TRIM5: variants seen among roughly 807,000 people sequenced by gnomAD.
TRIM5 encodes the protein tripartite motif containing 5, also known as tripartite motif-containing protein 5.
A neutral mutation model predicts 35.6 loss-of-function variants in TRIM5; 31 were observed. The ratio of observed to expected loss-of-function variants is 0.87; its 90% confidence interval spans 0.65 to 1.18. The LOEUF (loss-of-function observed/expected upper bound fraction) is 1.18, where lower values mean the gene tolerates loss of function less well. TRIM5 is among the 50% of genes most tolerant of loss of function. The pLI, the probability that TRIM5 is intolerant of heterozygous loss-of-function variation, is 0.00. For synonymous variants in TRIM5, 243 were observed against 215.6 expected (o/e 1.13, Z -1.11); for missense variants, 609 against 591.6 (o/e 1.03, Z -0.31).
At chr11:5,683,124 C>T (rs11038707) in intron 1 of TRIM5, among the ~76,000 whole-genome samples, 1 of 152,232 alleles carries the variant, frequency 6.6e-6, no homozygotes, top group Non-Finnish European at 1.5e-5. Context: ...CTCGCCGGGC[C>T]TTAGCTGCCT....
intron 2 of TRIM5, 46 bp downstream of exon 2, chr11:5,679,715 C>A (rs764974885): frequency 4.0e-6 from 6 of 1,512,642 alleles, no homozygotes; most frequent in Non-Finnish European, 5.3e-6. Context: ...AATTTTCCAT[C>A]TGGTCCCATT....
rs766006834 is a variant in TRIM5, at chr11:5,665,247, G to A, written c.1044C>T (p.Ile348=). 10 of 1,614,172 alleles carry A rather than the reference G, an allele frequency of 6.2e-6. No individual in the cohort carries two copies. In the South Asian group the frequency reaches 1.1e-4, roughly 18 times the overall value. Residue 348 remains isoleucine, a synonymous_variant, in exon 8 of 8, where the codon ATC becomes ATT. Transcript: ENST00000380034. ...TFVNFNYCTG[I]LGSQSITSGK... ...CTGATGTGATACTTTGAGAGCCCAGGATGCCAGTACAATAATTGAAATTCA... is the reference window on the plus strand; with the variant it reads ...CTGATGTGATACTTTGAGAGCCCAGAATGCCAGTACAATAATTGAAATTCA...
In TRIM5 at chr11:5,680,040, G is replaced by A. The variant is rs1268353086; in HGVS notation, c.138C>T (p.Ser46=). 6.2e-7 allele frequency: 1 copy of A among 1,614,136 alleles called. No individual in the cohort carries two copies. Among genetic ancestry groups the A allele is most frequent in the Non-Finnish European group, 8.5e-7 (1 of 1,180,030 alleles). ...QACLTANHKK[S]MLDKGESSCP... ...AGCTACTCTCTCCTTTGTCTAGCAT[G>A]GACTTCTTGTGGTTTGCAGTGAGGC... The change falls in exon 2 of 8, where the codon TCC becomes TCT. Residue 46 remains serine (S), a synonymous_variant. Coordinates refer to ENST00000380034, the MANE Select transcript of TRIM5 (RefSeq NM_033034.3).
intron 3 of TRIM5, 50 bp downstream of exon 3, chr11:5,679,024 G>T: frequency 1.3e-6 from 2 of 1,486,796 alleles, no homozygotes; most frequent in Non-Finnish European, 9.4e-7. Context: ...TCCTTCCCCT[G>T]GTCCTGCCCA....
At chr11:5,607,334 A>G in the TRIM5 span, among the ~76,000 whole-genome samples, 2 of 152,244 alleles carry the variant, frequency 1.3e-5, no homozygotes, top group Non-Finnish European at 2.9e-5. Context: ...GCCACAATGT[A>G]AGATTGATAC....
At chr11:5,603,624 G>T in the TRIM5 span, 10 of 1,613,626 alleles carry the variant, frequency 6.2e-6, no homozygotes, top group South Asian at 7.7e-5. Flanking sequence ...GAGAAAAACT[G>T]CAGCTCTTCT....
At chr11:5,634,794 A>C in the TRIM5 span, 20 of 1,613,766 alleles carry the variant, frequency 1.2e-5, no homozygotes, top group African/African-American at 2.7e-4. Flanking sequence ...CAGCAGAAGC[A>C]GTTGGTGAGA....
chr11:5,656,983 A>C, the TRIM5 span, among the ~76,000 whole-genome samples: 1 of 152,234 alleles, frequency 6.6e-6, no homozygotes, highest in African/African-American at 2.4e-5. Flanking sequence ...AGGATTGTAA[A>C]TCATTCTACT....
chr11:5,596,511 G>A, the TRIM5 span: 1 of 10,448 alleles, frequency 9.6e-5, no homozygotes, highest in East Asian at 2.5e-3. Flanking sequence ...CCCTTCCCCC[G>A]TTCTCCCCTT....
At chr11:5,630,055 G>A in the TRIM5 span, among the ~76,000 whole-genome samples, 1 of 152,124 alleles carries the variant, frequency 6.6e-6, no homozygotes, top group African/African-American at 2.4e-5. Flanking sequence ...ATGTGGATGC[G>A]TGTGAAACTA....
chr11:5,661,869 T>C (rs558071037), downstream of TRIM5, among the ~76,000 whole-genome samples: 8 of 152,324 alleles, frequency 5.3e-5, no homozygotes, highest in South Asian at 1.2e-3. Context: ...ATCTTTTCTG[T>C]TGTATATACA....
intron 1 of TRIM5, among the ~76,000 whole-genome samples, chr11:5,683,506 T>C (rs7126643): frequency 6.6e-6 from 1 of 150,792 alleles, no homozygotes; most frequent in Non-Finnish European, 1.5e-5. Flanking sequence ...GGTGGGGACT[T>C]GGAGAAACTT....
the TRIM5 span, among the ~76,000 whole-genome samples, chr11:5,657,570 TTATA>T: frequency 9.8e-6 from 1 of 102,374 alleles, no homozygotes; most frequent in African/African-American, 4.2e-5. Flanking sequence ...TATATATTAT[TTATA>T]TATTATATAT....
intron 1 of TRIM5, among the ~76,000 whole-genome samples, chr11:5,681,128 G>C (rs1852409417): frequency 6.6e-6 from 1 of 152,126 alleles, no homozygotes; most frequent in South Asian, 2.1e-4. Flanking sequence ...ATACTCAGTG[G>C]ACCACACATG....
At chr11:5,656,977 T>C in the TRIM5 span, among the ~76,000 whole-genome samples, 7 of 152,188 alleles carry the variant, frequency 4.6e-5, no homozygotes, top group Non-Finnish European at 4.4e-5. Flanking sequence ...ACTCAAAGGA[T>C]TGTAAATCAT....
intron 4 of TRIM5, among the ~76,000 whole-genome samples, chr11:5,675,253 C>T (rs983037390): frequency 2.6e-5 from 4 of 151,798 alleles, no homozygotes; most frequent in Admixed American, 2.6e-4. Context: ...AATATGCGGC[C>T]CCTTGTTCAA....
the TRIM5 span, chr11:5,633,794 C>T: frequency 3.1e-6 from 5 of 1,612,494 alleles, no homozygotes; most frequent in African/African-American, 4.0e-5. Flanking sequence ...GTGTGATTCC[C>T]TTCTCATAGG....
At chr11:5,619,548 TGGGGCG>T in the TRIM5 span, among the ~76,000 whole-genome samples, 34 of 6,288 alleles carry the variant, frequency 5.4e-3, no homozygotes, top group African/African-American at 0.028. Context: ...TCCAAGCAAG[TGGGGCG>T]GGGGCGGGGC....
chr11:5,613,338 G>A, the TRIM5 span, among the ~76,000 whole-genome samples: 18 of 152,368 alleles, frequency 1.2e-4, no homozygotes, highest in Admixed American at 5.2e-4. Context: ...GCTCCTTCAT[G>A]GTTTGATGAA....
Sources: allele counts gnomAD v4.1 joint callset (sites outside exome capture counted in the v4.1 genomes callset), GRCh38; gene constraint gnomAD v4.1.1; transcripts MANE v1.5; gene names NCBI Gene and HGNC (gene_info 2026-07-23, HGNC 2026-07-21).